Variants in STOX2 observed in about 807,000 individuals in gnomAD.
STOX2 encodes storkhead-box protein 2.
A neutral mutation model predicts 60.9 loss-of-function variants in STOX2; 28 were observed. That is an observed-to-expected ratio of 0.46 (90% confidence interval 0.34 to 0.63). STOX2 has a LOEUF of 0.63. Among genes scored for constraint, STOX2 ranks in the 30% least tolerant of loss-of-function variants. The probability of loss-of-function intolerance (pLI) is 0.01; values close to 1 mark genes in which losing one functional copy is unlikely to be tolerated. For synonymous variants in STOX2, 472 were observed against 463.9 expected (o/e 1.02, Z -0.22); for missense variants, 1,024 against 1,187.7 (o/e 0.86, Z 2.03).
intron 1 of STOX2, among the ~76,000 whole-genome samples, chr4:183,928,712 T>C (rs1560887555): frequency 6.6e-6 from 1 of 151,816 alleles, no homozygotes; most frequent in Non-Finnish European, 1.5e-5. Context: ...CAGGAGGGGA[T>C]TAACAACTTA....
At chr4:183,828,729 AACTTCTGTGAAAT>A (rs1400485485) in intron 1 of STOX2, among the ~76,000 whole-genome samples, 1 of 152,246 alleles carries the variant, frequency 6.6e-6, no homozygotes, top group African/African-American at 2.4e-5. Flanking sequence ...TGAAAAAATG[AACTTCTGTGAAAT>A]ACTTCTGTTT....
At chr4:183,811,402 G>C (rs1456498729) in intron 1 of STOX2, among the ~76,000 whole-genome samples, 3 of 152,214 alleles carry the variant, frequency 2.0e-5, no homozygotes, top group Non-Finnish European at 2.9e-5. Context: ...CCTAGGAACA[G>C]ATTTTCAGAC....
chr4:183,962,767 G>A (rs1160721455), intron 1 of STOX2, among the ~76,000 whole-genome samples: 1 of 152,190 alleles, frequency 6.6e-6, no homozygotes, highest in Non-Finnish European at 1.5e-5. Flanking sequence ...CTGATGGTCT[G>A]TGAAGTTTTA....
rs552350026 is a variant in STOX2, at chr4:183,831,328, C to T, written c.364+33273C>T. Among the ~76,000 whole-genome samples the T allele has an allele frequency of 4.9e-3, 739 of 152,264 alleles. 4 individuals carry two copies. Among genetic ancestry groups the T allele is most frequent in the South Asian group, 0.033 (158 of 4,830 alleles). On this transcript the variant is annotated intron_variant, in intron 1 of 2. Transcript: ENST00000513034. ...TGGCTCTTTTGCCTTTCTTCATTTC[C>T]GCCCCCAAGTTTGCCTTGAACTTGG...
At chr4:183,988,362 A>G (rs576137461) in intron 1 of STOX2, 1 of 152,208 alleles carries the variant, frequency 6.6e-6, no homozygotes, top group East Asian at 1.9e-4. Context: ...TGTACGGGAT[A>G]GGCATGGAAC....
At chr4:183,828,117 A>G (rs17075058) in intron 1 of STOX2, among the ~76,000 whole-genome samples, 14,233 of 152,272 alleles carry the variant, frequency 0.093, 819 homozygotes, top group Non-Finnish European at 0.12. Flanking sequence ...AAAGTACCTG[A>G]AAATGTTGTG....
rs1734456241 is a variant in STOX2, at chr4:184,018,234, G to T, written c.*950G>T. The T allele has an allele frequency of 6.6e-6, 1 of 152,170 alleles. No individual in the cohort carries two copies. Among genetic ancestry groups the T allele is most frequent in the African/African-American group, 2.4e-5 (1 of 41,438 alleles). The allele number at this position is 152,170 out of a possible 1,614,324, so 9.4% of individuals were successfully genotyped here. Reference sequence around the variant, plus strand: ...TTTGTTTAAAAGCAAAATGTTCTTTGTGATACAAATGAAGAGTAGGGCCTG... The same window carrying T: ...TTTGTTTAAAAGCAAAATGTTCTTTTTGATACAAATGAAGAGTAGGGCCTG... On this transcript the variant is annotated 3_prime_UTR_variant, in exon 4 of 4. Coordinates refer to ENST00000308497, the MANE Select transcript of STOX2 (RefSeq NM_020225.3).
intron 1 of STOX2, among the ~76,000 whole-genome samples, chr4:183,935,335 AC>A (rs1742558599): frequency 6.6e-6 from 1 of 152,242 alleles, no homozygotes; most frequent in African/African-American, 2.4e-5. Context: ...CACCCTGTTG[AC>A]CAGAAAAAGG....
chr4:183,938,541 C>T (rs7663316), intron 1 of STOX2, among the ~76,000 whole-genome samples: 132,982 of 151,818 alleles, frequency 0.88, 60,680 homozygotes, highest in East Asian at 1. Flanking sequence ...TGGTGGTGCA[C>T]GCCTGTAATC....
chr4:183,870,809 T>A (rs925624620), intron 1 of STOX2, among the ~76,000 whole-genome samples: 2 of 152,224 alleles, frequency 1.3e-5, no homozygotes, highest in Non-Finnish European at 2.9e-5. Flanking sequence ...AAATGCTGTA[T>A]AAGAACCCCA....
At chr4:183,874,888 T>A (rs904698500) in intron 1 of STOX2, among the ~76,000 whole-genome samples, 51 of 113,696 alleles carry the variant, frequency 4.5e-4, no homozygotes, top group Non-Finnish European at 3.4e-4. Context: ...ATCATGCCAC[T>A]GCACTCCAGC....
At chr4:183,854,398 G>A (rs116670563) in intron 1 of STOX2, among the ~76,000 whole-genome samples, 3,126 of 152,246 alleles carry the variant, frequency 0.021, 94 homozygotes, top group African/African-American at 0.063. Flanking sequence ...CATAAAACAT[G>A]CAAGTTTCAC....
At chr4:183,945,245 A>T (rs1742854187) in intron 1 of STOX2, among the ~76,000 whole-genome samples, 2 of 152,160 alleles carry the variant, frequency 1.3e-5, no homozygotes. Flanking sequence ...TTCTCCAAAA[A>T]GGGAACGTAG....
At chr4:183,969,578 T>C (rs1318324361) in intron 1 of STOX2, among the ~76,000 whole-genome samples, 1 of 152,106 alleles carries the variant, frequency 6.6e-6, no homozygotes, top group Non-Finnish European at 1.5e-5. Context: ...AGATTTCTGC[T>C]TATTCATAAT....
intron 1 of STOX2, among the ~76,000 whole-genome samples, chr4:183,803,617 G>A (rs1190214488): frequency 6.6e-6 from 1 of 152,202 alleles, no homozygotes; most frequent in East Asian, 1.9e-4. Flanking sequence ...GTCAGATACA[G>A]TCCCTGTACT....
At chr4:183,876,498 G>C (rs535307783) in intron 1 of STOX2, among the ~76,000 whole-genome samples, 2 of 152,322 alleles carry the variant, frequency 1.3e-5, no homozygotes, top group South Asian at 2.1e-4. Flanking sequence ...ACCAGACATG[G>C]AACTGCACCA....
At chr4:183,875,327 C>G (rs1305555140) in intron 1 of STOX2, among the ~76,000 whole-genome samples, 1 of 152,120 alleles carries the variant, frequency 6.6e-6, no homozygotes, top group Non-Finnish European at 1.5e-5. Flanking sequence ...GTGGTGAATA[C>G]CTTGGCTGGG....
chr4:183,828,502 C>T (rs1282140146), intron 1 of STOX2, among the ~76,000 whole-genome samples: 6 of 152,004 alleles, frequency 3.9e-5, no homozygotes, highest in Non-Finnish European at 5.9e-5. Flanking sequence ...GTTGGCTTTT[C>T]CCCCCTTTAT....
At chr4:183,841,266 G>A (rs1739856021) in intron 1 of STOX2, among the ~76,000 whole-genome samples, 1 of 152,154 alleles carries the variant, frequency 6.6e-6, no homozygotes, top group East Asian at 1.9e-4. Flanking sequence ...TATGGGGTGT[G>A]ATCATAGCTT....
Sources: gnomAD v4.1 joint callset for allele counts (sites outside exome capture counted in the v4.1 genomes callset) on GRCh38, gnomAD v4.1.1 for gene constraint, MANE v1.5 for transcripts, NCBI Gene and HGNC (gene_info 2026-07-23, HGNC 2026-07-21) for gene names.